The following ELAVL4 variants were observed in gnomAD, a reference collection of about 807,000 sequenced individuals.
ELAVL4 encodes ELAV like RNA binding protein 4.
A neutral mutation model predicts 35.6 loss-of-function variants in ELAVL4; 1 was observed. That is an observed-to-expected ratio of 0.03 (90% CI 0.01 to 0.13). The LOEUF (loss-of-function observed/expected upper bound fraction) is 0.13, where lower values mean the gene tolerates loss of function less well. Ranked by LOEUF, ELAVL4 falls within the 10% of genes least tolerant of loss-of-function variation. The pLI, the probability that ELAVL4 is intolerant of heterozygous loss-of-function variation, is 1.00. For synonymous variants in ELAVL4, 156 were observed against 171.0 expected (o/e 0.91, Z 0.69); for missense variants, 267 against 464.9 (o/e 0.57, Z 3.91).
intron 2 of ELAVL4, among the ~76,000 whole-genome samples, chr1:50,165,427 GATAT>G (rs145697099): frequency 2.0e-5 from 3 of 147,026 alleles, no homozygotes; most frequent in Admixed American, 6.8e-5. Context: ...ACTAACAGGA[GATAT>G]ATATATATAT....
At position 50,202,753 on chromosome 1, in the gene ELAVL4, C is replaced by T. The variant is rs1049610833; in HGVS notation, c.*1575C>T. 2 of 151,866 alleles carry T rather than the reference C, an allele frequency of 1.3e-5. No individual in the cohort carries two copies. The highest frequency in any genetic ancestry group is 2.9e-5 in the Non-Finnish European group (2 of 67,952). The allele number at this position is 151,866 out of a possible 1,614,324, so 9.4% of individuals were successfully genotyped here. ...CTTGGCTAGTTTTGTTTGTATATGT[C>T]TTAAAATGTTTTCTTATGATATTTA... On this transcript the variant is annotated 3_prime_UTR_variant, in exon 7 of 7. Transcript: ENST00000371824.
chr1:50,159,123 T>A (rs956905837), intron 2 of ELAVL4, among the ~76,000 whole-genome samples: 1 of 152,098 alleles, frequency 6.6e-6, no homozygotes, highest in African/African-American at 2.4e-5. Flanking sequence ...GGAACTATAG[T>A]TCAGGTTTGG....
intron 3 of ELAVL4, among the ~76,000 whole-genome samples, chr1:50,193,411 A>G (rs1262652150): frequency 1.3e-5 from 2 of 149,664 alleles, no homozygotes; most frequent in East Asian, 2.0e-4. Flanking sequence ...TATGTGTTGG[A>G]TACAGTAAAT....
At chr1:50,164,690 C>A (rs1030606136) in intron 2 of ELAVL4, among the ~76,000 whole-genome samples, 5 of 152,170 alleles carry the variant, frequency 3.3e-5, no homozygotes, top group African/African-American at 1.2e-4. Flanking sequence ...TAAATGCCCA[C>A]AGGTCTTTCA....
At chr1:50,165,752 A>ATGTGTATATG (rs1229984743) in intron 2 of ELAVL4, among the ~76,000 whole-genome samples, 2 of 31,114 alleles carry the variant, frequency 6.4e-5, no homozygotes, top group African/African-American at 1.9e-4. Flanking sequence ...ATATACATAT[A>ATGTGTATATG]TGTGTATATG....
intron 2 of ELAVL4, among the ~76,000 whole-genome samples, chr1:50,158,000 A>G (rs1676053614): frequency 6.6e-6 from 1 of 152,198 alleles, no homozygotes; most frequent in South Asian, 2.1e-4. Context: ...TAGTCTAGTG[A>G]TTAAGAGCTA....
rs112362898 is a variant in ELAVL4, at chr1:50,070,629, C to G, written c.18+22447C>G. Among the ~76,000 whole-genome samples the G allele has an allele frequency of 2.1e-3, 313 of 151,612 alleles. 4 individuals are homozygous for G. Among genetic ancestry groups the G allele is most frequent in the African/African-American group, 7.1e-3 (293 of 41,294 alleles). ...TGGTGACAGGCACCTGTAATCCCAC[C>G]TACTTAAAGGGTGAGCCAGGAGAAT... On this transcript the variant is annotated intron_variant, in intron 1 of 6. Coordinates refer to the ELAVL4 transcript ENST00000448907.
chr1:50,070,468 C>A (rs191500023), intron 1 of ELAVL4, among the ~76,000 whole-genome samples: 2 of 152,142 alleles, frequency 1.3e-5, no homozygotes, highest in Non-Finnish European at 1.5e-5. Context: ...CGTGGCTGGG[C>A]GCAGTGGCTC....
At chr1:50,130,661 C>T (rs1670698767) in intron 1 of ELAVL4, among the ~76,000 whole-genome samples, 1 of 152,104 alleles carries the variant, frequency 6.6e-6, no homozygotes, top group African/African-American at 2.4e-5. Flanking sequence ...TGACATTAGA[C>T]AGTAATTTCT....
upstream of ELAVL4, among the ~76,000 whole-genome samples, chr1:50,104,624 C>A (rs1022651129): frequency 2.0e-5 from 3 of 152,136 alleles, no homozygotes; most frequent in African/African-American, 7.2e-5. Flanking sequence ...GGTTCCAGAC[C>A]TTTAATTTTG....
chr1:50,135,698 T>C (rs1287764116), intron 1 of ELAVL4, among the ~76,000 whole-genome samples: 2 of 152,194 alleles, frequency 1.3e-5, no homozygotes, highest in Non-Finnish European at 2.9e-5. Context: ...TTCAGGTTAT[T>C]TGTGCCTCTG....
intron 2 of ELAVL4, among the ~76,000 whole-genome samples, chr1:50,165,520 CG>C (rs1557815885): frequency 2.0e-5 from 3 of 148,654 alleles, no homozygotes; most frequent in Admixed American, 6.7e-5. Flanking sequence ...TGCATATATA[CG>C]TATATACATA....
chr1:50,076,591 T>G (rs1387812308), intron 1 of ELAVL4, among the ~76,000 whole-genome samples: 1 of 152,136 alleles, frequency 6.6e-6, no homozygotes, highest in Non-Finnish European at 1.5e-5. Flanking sequence ...TACTGTAGTG[T>G]GAGCAGGCTT....
chr1:50,163,480 A>G (rs887983953), intron 2 of ELAVL4, among the ~76,000 whole-genome samples: 1 of 152,288 alleles, frequency 6.6e-6, no homozygotes, highest in South Asian at 2.1e-4. Context: ...ATACTTTGGG[A>G]TATATATTGG....
At chr1:50,103,513 A>G (rs2148515753), upstream of ELAVL4, among the ~76,000 whole-genome samples, 1 of 152,346 alleles carries the variant, frequency 6.6e-6, no homozygotes, top group Admixed American at 6.5e-5. Context: ...GCTTTTACAT[A>G]TAGTATACCA....
At chr1:50,133,807 T>C (rs1334213846) in intron 1 of ELAVL4, among the ~76,000 whole-genome samples, 1 of 152,208 alleles carries the variant, frequency 6.6e-6, no homozygotes, top group Non-Finnish European at 1.5e-5. Context: ...GCTATATGAA[T>C]TGTCCATGAG....
intron 2 of ELAVL4, among the ~76,000 whole-genome samples, chr1:50,159,012 C>T (rs1572449833): frequency 6.6e-6 from 1 of 150,382 alleles, no homozygotes; most frequent in Middle Eastern, 3.4e-3. Flanking sequence ...TGCACTCCAG[C>T]CTGGACGACA....
chr1:50,084,038 A>G (rs1029836164), intron 1 of ELAVL4, among the ~76,000 whole-genome samples: 1 of 152,196 alleles, frequency 6.6e-6, no homozygotes, highest in African/African-American at 2.4e-5. Context: ...GTTGCAGTGG[A>G]AAGGCATTTG....
chr1:50,048,116 C>T (rs781203315), exon 1 of ELAVL4: 11 of 1,479,876 alleles, frequency 7.4e-6, no homozygotes, highest in South Asian at 2.6e-5. Flanking sequence ...CGCCGCGCTC[C>T]GCCCCACCCA....
Sources: gnomAD v4.1 joint callset for allele counts (sites outside exome capture counted in the v4.1 genomes callset) on GRCh38, gnomAD v4.1.1 for gene constraint, MANE v1.5 for transcripts, NCBI Gene and HGNC (gene_info 2026-07-23, HGNC 2026-07-21) for gene names.